GRM5: variants seen among roughly 807,000 people sequenced by gnomAD.
GRM5 encodes metabotropic glutamate receptor 5.
GRM5 carries 19 observed loss-of-function variants against 83.1 expected under a neutral mutation model. The ratio of observed to expected loss-of-function variants is 0.23; its 90% CI spans 0.16 to 0.34. The LOEUF (loss-of-function observed/expected upper bound fraction) is 0.34, where lower values mean the gene tolerates loss of function less well. Ranked by LOEUF, GRM5 falls within the 10% of genes least tolerant of loss-of-function variation. The probability of loss-of-function intolerance (pLI) is 1.00; values close to 1 mark genes in which losing one functional copy is unlikely to be tolerated. For missense variants in GRM5, 1,160 were observed against 1,588.3 expected (o/e 0.73, Z 4.58); for synonymous variants, 675 against 633.6 (o/e 1.07, Z -0.98).
chr11:89,044,584 G>A (rs1941604870), intron 2 of GRM5, among the ~76,000 whole-genome samples: 1 of 152,074 alleles, frequency 6.6e-6, no homozygotes, highest in African/African-American at 2.4e-5. Context: ...AATGTTTTTT[G>A]AAAATAGGAC....
At chr11:88,635,256 C>T (rs1388242005) in intron 4 of GRM5, among the ~76,000 whole-genome samples, 1 of 152,104 alleles carries the variant, frequency 6.6e-6, no homozygotes, top group Non-Finnish European at 1.5e-5. Flanking sequence ...ATCCTATTTT[C>T]CATAATGGTT....
intron 3 of GRM5, among the ~76,000 whole-genome samples, chr11:88,767,395 T>G (rs1942644357): frequency 1.3e-5 from 2 of 152,024 alleles, no homozygotes; most frequent in Admixed American, 6.6e-5. Context: ...TGCAGCACTA[T>G]TCACAATAGC....
intron 3 of GRM5, among the ~76,000 whole-genome samples, chr11:88,823,662 G>A (rs1304541516): frequency 5.3e-5 from 8 of 152,106 alleles, no homozygotes; most frequent in Admixed American, 3.9e-4. Context: ...CTCAGGGAAG[G>A]AGATACTCCC....
At chr11:88,622,165 G>T (rs1591388851) in intron 4 of GRM5, among the ~76,000 whole-genome samples, 1 of 152,234 alleles carries the variant, frequency 6.6e-6, no homozygotes, top group East Asian at 1.9e-4. Flanking sequence ...AGCCATTAAA[G>T]AAGAGATAGG....
chr11:88,596,207 C>A (rs1937800787), intron 6 of GRM5, among the ~76,000 whole-genome samples: 1 of 152,132 alleles, frequency 6.6e-6, no homozygotes, highest in Admixed American at 6.5e-5. Flanking sequence ...TGGTTGTCAG[C>A]CTGATTGAAT....
chr11:89,005,390 T>C (rs1388175629), intron 2 of GRM5, among the ~76,000 whole-genome samples: 4 of 152,158 alleles, frequency 2.6e-5, no homozygotes, highest in Non-Finnish European at 4.4e-5. Flanking sequence ...TTAGTTTGGC[T>C]TGGCTTGGAG....
intron 2 of GRM5, among the ~76,000 whole-genome samples, chr11:88,935,736 T>A (rs2135656090): frequency 6.6e-6 from 1 of 152,054 alleles, no homozygotes; most frequent in East Asian, 1.9e-4. Context: ...AATACATATT[T>A]TACAGGATGG....
chr11:88,981,479 T>A (rs1939520358), intron 2 of GRM5, among the ~76,000 whole-genome samples: 1 of 152,168 alleles, frequency 6.6e-6, no homozygotes, highest in Non-Finnish European at 1.5e-5. Flanking sequence ...ATTGTGATCT[T>A]TATGCTATTT....
intron 8 of GRM5, among the ~76,000 whole-genome samples, chr11:88,555,672 C>T (rs1018410373): frequency 2.6e-5 from 4 of 152,118 alleles, no homozygotes; most frequent in African/African-American, 9.7e-5. Context: ...ACTTCTTTAT[C>T]CAGAATGTGC....
At chr11:88,934,103 G>A (rs1477336978) in intron 2 of GRM5, among the ~76,000 whole-genome samples, 3 of 151,666 alleles carry the variant, frequency 2.0e-5, no homozygotes, top group African/African-American at 2.4e-5. Flanking sequence ...ATTTCACACT[G>A]CCACACAACT....
chr11:88,622,218 C>T (rs1476244169), intron 4 of GRM5, among the ~76,000 whole-genome samples: 1 of 152,220 alleles, frequency 6.6e-6, no homozygotes, highest in Admixed American at 6.5e-5. Flanking sequence ...AGATGCTTTA[C>T]ACACTTATGA....
intron 7 of GRM5, among the ~76,000 whole-genome samples, chr11:88,586,476 G>A (rs1182981301): frequency 6.6e-6 from 1 of 152,138 alleles, no homozygotes; most frequent in Non-Finnish European, 1.5e-5. Flanking sequence ...CACAATGAAG[G>A]CACTGACCCA....
chr11:88,840,879 G>T (rs1328767920), intron 3 of GRM5, among the ~76,000 whole-genome samples: 1 of 152,204 alleles, frequency 6.6e-6, no homozygotes, highest in Non-Finnish European at 1.5e-5. Flanking sequence ...ACTTTATAAG[G>T]TAGTCCTTCC....
At chr11:88,968,620 G>A (rs1318652048) in intron 2 of GRM5, among the ~76,000 whole-genome samples, 4 of 152,196 alleles carry the variant, frequency 2.6e-5, no homozygotes, top group Middle Eastern at 3.4e-3. Context: ...GGGCTGCAGT[G>A]AACCATAAAT....
chr11:88,980,342 T>G (rs1330675856), intron 2 of GRM5, among the ~76,000 whole-genome samples: 2 of 152,040 alleles, frequency 1.3e-5, no homozygotes, highest in Admixed American at 6.6e-5. Context: ...ATTAAGAGAG[T>G]CCTAAGTGAA....
chr11:88,733,912 C>G (rs1372861671), intron 3 of GRM5, among the ~76,000 whole-genome samples: 1 of 151,860 alleles, frequency 6.6e-6, no homozygotes, highest in Non-Finnish European at 1.5e-5. Flanking sequence ...CCCACCCTTA[C>G]CTTAGAGGTT....
intron 4 of GRM5, among the ~76,000 whole-genome samples, chr11:88,640,367 A>C (rs1319861948): frequency 6.6e-6 from 1 of 152,204 alleles, no homozygotes; most frequent in Non-Finnish European, 1.5e-5. Context: ...GAGTTCTGAG[A>C]GTAAAAACTT....
chr11:89,045,831 C>A lies in GRM5; in HGVS notation c.661+1381G>T, dbSNP rs1453652481. Among the ~76,000 whole-genome samples, 7 of 152,128 alleles carry A rather than the reference C, an allele frequency of 4.6e-5. No homozygotes were observed. In the East Asian group the frequency reaches 1.3e-3, roughly 29 times the overall value. The stretch of plus-strand genomic sequence containing the variant: ...TTTCAAGCACATTTTTACTTTCTCA[C>A]CTAGTCATATTTTCTTATGCTTTTC... On this transcript the variant is annotated intron_variant, in intron 2 of 9. Coordinates refer to ENST00000305447, the MANE Select transcript of GRM5 (RefSeq NM_001143831.3).
At chr11:88,556,324 CT>C (rs377331160) in intron 8 of GRM5, among the ~76,000 whole-genome samples, 6,679 of 129,678 alleles carry the variant, frequency 0.052, 163 homozygotes, top group East Asian at 0.11. Context: ...CTTTTCTTTT[CT>C]TTTTTTTTTT....
Sources: allele counts gnomAD v4.1 joint callset (sites outside exome capture counted in the v4.1 genomes callset), GRCh38; gene constraint gnomAD v4.1.1; transcripts MANE v1.5; gene names NCBI Gene and HGNC (gene_info 2026-07-23, HGNC 2026-07-21).